SHANK2: variants seen among roughly 807,000 people sequenced by gnomAD.
The protein encoded by SHANK2 is SH3 and multiple ankyrin repeat domains 2.
Under a neutral mutation model 133.7 loss-of-function variants are expected in SHANK2, and 43 were observed. The observed-to-expected ratio is 0.32, with a 90% CI of 0.25 to 0.41. The LOEUF (loss-of-function observed/expected upper bound fraction) is 0.41, where lower values mean the gene tolerates loss of function less well. Among genes scored for constraint, SHANK2 ranks in the 10% least tolerant of loss-of-function variants. SHANK2 has a pLI of 1.00. For synonymous variants in SHANK2, 1,017 were observed against 952.8 expected (o/e 1.07, Z -1.24); for missense variants, 1,994 against 2,235.8 (o/e 0.89, Z 2.18).
rs139351313 is a variant in SHANK2 at position 70,712,122 on chromosome 11, C to T, written c.1778-13359G>A. 7.3e-3 allele frequency among the ~76,000 whole-genome samples: 1,115 copies of T among 152,300 alleles called. 6 individuals carry two copies. Among genetic ancestry groups the T allele is most frequent in the African/African-American group, 0.01 (425 of 41,572 alleles). ...GGGGGATCCACTTGCTTCCCCCGCC[C>T]GGCTTCCAGAGGCTGCGGTGTTCCT... On this transcript the variant is annotated intron_variant, in intron 14 of 25. Transcript: ENST00000601538.
At chr11:70,649,636 T>C (rs1301882354) in intron 17 of SHANK2, among the ~76,000 whole-genome samples, 1 of 151,598 alleles carries the variant, frequency 6.6e-6, no homozygotes, top group Non-Finnish European at 1.5e-5. Flanking sequence ...AGTGGGTGTA[T>C]GGGAGGGAGG....
At chr11:70,878,217 G>A (rs1407822105) in intron 11 of SHANK2, among the ~76,000 whole-genome samples, 4 of 152,166 alleles carry the variant, frequency 2.6e-5, no homozygotes, top group Admixed American at 2.6e-4. Context: ...CCCTCCTGCT[G>A]AGCTGGGATG....
chr11:71,219,917 T>C (rs1218910245), intron 2 of SHANK2, among the ~76,000 whole-genome samples: 1 of 141,614 alleles, frequency 7.1e-6, no homozygotes, highest in South Asian at 2.3e-4. Flanking sequence ...TTAAATTAAA[T>C]TAAAAATTTA....
At chr11:70,508,828 G>T (rs1554968856) in intron 17 of SHANK2, among the ~76,000 whole-genome samples, 1 of 152,204 alleles carries the variant, frequency 6.6e-6, no homozygotes, top group Non-Finnish European at 1.5e-5. Context: ...GGTCGAGACT[G>T]CAATGAGCCA....
Position 71,175,551 on chromosome 11 carries a change from G to GGAGA in SHANK2, c.-12-28217_-12-28214dup, listed in dbSNP as rs555218781. On this transcript the variant is annotated intron_variant, in intron 2 of 25. Transcript: ENST00000601538. The surrounding 1 kb of genome is among the most constrained non-coding windows in gnomAD (Gnocchi z 4.2). Reference sequence around the variant, plus strand: ...CAGACAGACAGAGGGAGAGGGAGAGGGAGAGAGAGAGAGAGAGAGAGAGAG... The same window carrying GGAGA: ...CAGACAGACAGAGGGAGAGGGAGAGGGAGAGAGAGAGAGAGAGAGAGAGAGAGAG... Among the ~76,000 whole-genome samples the GGAGA allele has an allele frequency of 2.8e-3, 114 of 40,652 alleles. No individual in the cohort carries two copies. Among genetic ancestry groups the GGAGA allele is most frequent in the African/African-American group, 5.6e-3 (69 of 12,236 alleles). 26.7% of individuals were successfully genotyped at this position (40,652 alleles called of 152,430 possible). A position where few individuals can be genotyped will look rare whatever the true frequency, so the allele number is the denominator to read the frequency against.
intron 12 of SHANK2, among the ~76,000 whole-genome samples, chr11:70,814,894 C>T (rs2135312682): frequency 6.6e-6 from 1 of 152,272 alleles, no homozygotes; most frequent in East Asian, 1.9e-4. Flanking sequence ...TGTAGAAATA[C>T]ATCCAGAGTT....
intron 3 of SHANK2, among the ~76,000 whole-genome samples, chr11:71,124,182 A>ATGG (rs1952133293): frequency 4.1e-4 from 1 of 2,448 alleles, no homozygotes; most frequent in Admixed American, 4.7e-3. Flanking sequence ...GGTGATGGTG[A>ATGG]TGATGGTGAT....
chr11:70,509,852 G>T (rs782640515), intron 17 of SHANK2, among the ~76,000 whole-genome samples: 1 of 152,310 alleles, frequency 6.6e-6, no homozygotes, highest in East Asian at 1.9e-4. Context: ...CCAGTTTGCC[G>T]GCCAGTGCCA....
chr11:70,710,759 C>T (rs1831602560), intron 14 of SHANK2, among the ~76,000 whole-genome samples: 1 of 152,144 alleles, frequency 6.6e-6, no homozygotes. Flanking sequence ...CAGCTAAGGG[C>T]CCAGGCCTCA....
At chr11:71,122,882 G>C (rs1952105733) in intron 3 of SHANK2, among the ~76,000 whole-genome samples, 1 of 152,158 alleles carries the variant, frequency 6.6e-6, no homozygotes, top group South Asian at 2.1e-4. Flanking sequence ...TCCAGAATTT[G>C]AGACAATACG....
At chr11:71,171,153 C>T (rs530746947) in intron 2 of SHANK2, among the ~76,000 whole-genome samples, 1 of 152,150 alleles carries the variant, frequency 6.6e-6, no homozygotes, top group Non-Finnish European at 1.5e-5. Context: ...TGTATTGGTC[C>T]GGATTCTCCA....
intron 11 of SHANK2, among the ~76,000 whole-genome samples, chr11:70,829,799 C>G (rs192989456): frequency 6.6e-6 from 1 of 152,340 alleles, no homozygotes; most frequent in African/African-American, 2.4e-5. Context: ...GTGGCTCCAT[C>G]AGTCTCATGC....
chr11:70,819,853 C>T (rs1365920123), intron 12 of SHANK2, among the ~76,000 whole-genome samples: 2 of 152,194 alleles, frequency 1.3e-5, no homozygotes, highest in African/African-American at 4.8e-5. Context: ...CGCCAGAGCC[C>T]TGAGCCGGCC....
chr11:70,905,344 G>T (rs1410746245), intron 10 of SHANK2, among the ~76,000 whole-genome samples: 2 of 152,152 alleles, frequency 1.3e-5, no homozygotes, highest in African/African-American at 4.8e-5. Flanking sequence ...ACCCTTCACT[G>T]AACACCACAA....
chr11:70,632,288 AT>A (rs369095866), intron 17 of SHANK2, among the ~76,000 whole-genome samples: 5 of 148,828 alleles, frequency 3.4e-5, no homozygotes, highest in African/African-American at 4.9e-5. Flanking sequence ...CGCCCGGCTA[AT>A]TTTTTTTTTG....
intron 5 of SHANK2, among the ~76,000 whole-genome samples, 170 bp downstream of exon 5, chr11:71,113,123 G>A (rs1005448793): frequency 1.3e-5 from 2 of 152,146 alleles, no homozygotes; most frequent in South Asian, 2.1e-4. Context: ...GTGGGTCTCC[G>A]CAGTGTGCAC....
chr11:70,534,645 T>C lies in SHANK2; in HGVS notation c.2062-31714A>G, dbSNP rs545730260. Among the ~76,000 whole-genome samples, 22 of 152,188 alleles carry C rather than the reference T, an allele frequency of 1.4e-4. 1 individual carries two copies. The highest frequency in any genetic ancestry group is 3.4e-3 in the Middle Eastern group (1 of 294). ...CCTGAGCCAGGCTGGCTTCAACAAA[T>C]GCCAGCTGGATGAAAGAATGACAGT... On this transcript the variant is annotated intron_variant, in intron 17 of 25. Transcript: ENST00000601538.
intron 11 of SHANK2, among the ~76,000 whole-genome samples, chr11:70,874,319 TC>T (rs1259594597): frequency 1.3e-5 from 2 of 152,122 alleles, no homozygotes; most frequent in African/African-American, 4.8e-5. Context: ...TTATATGTAA[TC>T]TATCTATCTA....
intron 10 of SHANK2, among the ~76,000 whole-genome samples, chr11:70,943,599 G>A (rs1950677167): frequency 6.6e-6 from 1 of 152,200 alleles, no homozygotes. Context: ...GGCAGGAGAA[G>A]AGCCTGGGCC....
Sources: gnomAD v4.1 joint callset for allele counts (sites outside exome capture counted in the v4.1 genomes callset) on GRCh38, gnomAD v4.1.1 for gene constraint, Gnocchi (gnomAD v3.1) non-coding constraint, MANE v1.5 for transcripts, NCBI Gene and HGNC (gene_info 2026-07-23, HGNC 2026-07-21) for gene names.